The following SPIRE1 variants were observed in gnomAD, a reference collection of about 807,000 sequenced individuals.
SPIRE1 encodes the protein protein spire homolog 1.
SPIRE1 carries 40 observed loss-of-function variants against 94.1 expected under a neutral mutation model. The observed-to-expected ratio is 0.43, with a 90% CI of 0.33 to 0.55. The LOEUF is 0.55. Among genes scored for constraint, SPIRE1 ranks in the 20% least tolerant of loss-of-function variants. The pLI is 0.06. For missense variants in SPIRE1, 838 were observed against 975.2 expected, an observed-to-expected ratio of 0.86 and a Z score of 1.87; for synonymous variants, 376 against 371.7, an observed-to-expected ratio of 1.01 and a Z score of -0.13.
At chr18:12,597,475 C>G (rs536540362) in intron 2 of SPIRE1, among the ~76,000 whole-genome samples, 13 of 152,334 alleles carry the variant, frequency 8.5e-5, no homozygotes, top group Non-Finnish European at 1.6e-4. Flanking sequence ...GTGCCTAACT[C>G]ATACCAGCAA....
At chr18:12,600,460 A>G (rs760036340) in intron 2 of SPIRE1, among the ~76,000 whole-genome samples, 17 of 152,252 alleles carry the variant, frequency 1.1e-4, no homozygotes, top group Non-Finnish European at 2.4e-4. Context: ...TTAACAGTGA[A>G]CTCTTTTGAA....
At chr18:12,544,643 C>T (rs2035108385) in intron 3 of SPIRE1, among the ~76,000 whole-genome samples, 1 of 152,028 alleles carries the variant, frequency 6.6e-6, no homozygotes, top group Non-Finnish European at 1.5e-5. Flanking sequence ...CCATGCCCAG[C>T]CAAAAACCTG....
At chr18:12,504,332 C>T (rs2033761563) in intron 6 of SPIRE1, among the ~76,000 whole-genome samples, 2 of 145,392 alleles carry the variant, frequency 1.4e-5, no homozygotes, top group South Asian at 4.2e-4. Flanking sequence ...CATGGTGAAG[C>T]CCTGTCTCTA....
At chr18:12,609,245 C>A (rs555049100) in intron 2 of SPIRE1, among the ~76,000 whole-genome samples, 1 of 152,166 alleles carries the variant, frequency 6.6e-6, no homozygotes, top group Non-Finnish European at 1.5e-5. Context: ...AGCATTCAAA[C>A]GGTACACAAA....
At chr18:12,644,608 G>C (rs531848335) in intron 1 of SPIRE1, among the ~76,000 whole-genome samples, 180 of 152,272 alleles carry the variant, frequency 1.2e-3, no homozygotes, top group African/African-American at 4.3e-3. Flanking sequence ...TAATCTGCAA[G>C]TAACCCTCCA....
At chr18:12,516,811 A>T (rs1272375654) in intron 4 of SPIRE1, among the ~76,000 whole-genome samples, 2 of 152,100 alleles carry the variant, frequency 1.3e-5, no homozygotes, top group Non-Finnish European at 2.9e-5. Context: ...AATTTTTACT[A>T]TTCTCCGACA....
intron 3 of SPIRE1, among the ~76,000 whole-genome samples, chr18:12,539,097 A>G (rs2034928458): frequency 6.6e-6 from 1 of 152,182 alleles, no homozygotes; most frequent in African/African-American, 2.4e-5. Context: ...CATTCATTCA[A>G]ACAATATTCA....
At chr18:12,542,912 C>T (rs796558027) in intron 3 of SPIRE1, among the ~76,000 whole-genome samples, 7 of 152,172 alleles carry the variant, frequency 4.6e-5, no homozygotes, top group African/African-American at 7.2e-5. Flanking sequence ...CTGCAACCTC[C>T]GCCTCCCAGG....
intron 9 of SPIRE1, among the ~76,000 whole-genome samples, chr18:12,484,673 AACATCTCATCTCATTT>A (rs2032969852): frequency 6.6e-6 from 1 of 152,244 alleles, no homozygotes; most frequent in Non-Finnish European, 1.5e-5. Context: ...TATTTGTGCC[AACATCTCATCTCATTT>A]TATATTTAAA....
At position 12,657,826 on chromosome 18, in the gene SPIRE1, C is replaced by G; in HGVS notation, c.41G>C (p.Arg14Pro). 1 of 1,165,820 alleles carries G rather than the reference C, an allele frequency of 8.6e-7. No homozygotes were observed. The allele number at this position is 1,165,820 out of a possible 1,614,324, so 72.2% of individuals were successfully genotyped here. The part of the protein sequence containing the change: ...AAGPAGGGEP[R>P]TEAVGGEGPR... ...CCCCTCGCCGCCCACTGCCTCAGTC[C>G]GCGGCTCCCCGCCGCCCGCCGGGCC... The change falls in exon 1 of 17, where the codon CGG becomes CCG. Residue 14 changes from arginine (R) to proline (P), a missense_variant. Around this residue, in one of 2 missense-constraint regions of SPIRE1, gnomAD observed 193 missense variants for 170.5 expected, o/e 1.13. Transcript: ENST00000409402.
intron 2 of SPIRE1, among the ~76,000 whole-genome samples, chr18:12,547,123 A>G (rs2144284162): frequency 6.6e-6 from 1 of 152,320 alleles, no homozygotes; most frequent in South Asian, 2.1e-4. Context: ...ACATTTCCCA[A>G]AGGTATTTCT....
chr18:12,470,929 C>T (rs140715678), intron 10 of SPIRE1, among the ~76,000 whole-genome samples: 12 of 151,858 alleles, frequency 7.9e-5, no homozygotes, highest in Non-Finnish European at 1.5e-4. Flanking sequence ...TCACTGGTGC[C>T]GAATACTGCC....
chr18:12,504,471 C>T (rs538455040), intron 6 of SPIRE1, among the ~76,000 whole-genome samples: 1 of 152,294 alleles, frequency 6.6e-6, no homozygotes, highest in East Asian at 1.9e-4. Flanking sequence ...CACGCCACTG[C>T]ACTTCAGCCT....
chr18:12,637,986 G>C (rs779544785), intron 1 of SPIRE1, among the ~76,000 whole-genome samples: 1 of 152,156 alleles, frequency 6.6e-6, no homozygotes, highest in Non-Finnish European at 1.5e-5. Context: ...AGTAACTCAC[G>C]GTAATATGAA....
chr18:12,590,774 A>C (rs947185732), intron 2 of SPIRE1, among the ~76,000 whole-genome samples: 3 of 152,178 alleles, frequency 2.0e-5, no homozygotes, highest in Non-Finnish European at 4.4e-5. Flanking sequence ...CTGGGCAAGA[A>C]GGTTGGCAGG....
chr18:12,542,808 C>A (rs1476845817), intron 3 of SPIRE1, among the ~76,000 whole-genome samples: 1 of 151,984 alleles, frequency 6.6e-6, no homozygotes, highest in African/African-American at 2.4e-5. Context: ...TGTTAATATT[C>A]ATTTAGATTT....
At chr18:12,471,388 T>C (rs569845642) in intron 10 of SPIRE1, among the ~76,000 whole-genome samples, 53 of 151,150 alleles carry the variant, frequency 3.5e-4, no homozygotes, top group Admixed American at 1.6e-3. Context: ...TTCTTTCTTT[T>C]TTTTTTTTTT....
intron 4 of SPIRE1, among the ~76,000 whole-genome samples, chr18:12,527,678 T>A (rs756702933): frequency 2.0e-5 from 3 of 152,174 alleles, no homozygotes; most frequent in Non-Finnish European, 4.4e-5. Flanking sequence ...CAGGTGTGCA[T>A]TAGCTGTGCA....
intron 2 of SPIRE1, among the ~76,000 whole-genome samples, chr18:12,600,081 C>A (rs2036789124): frequency 6.9e-6 from 1 of 144,730 alleles, no homozygotes; most frequent in Admixed American, 7.1e-5. Flanking sequence ...GTGCTGAGGG[C>A]ATTCTCCAGC....
Sources: allele counts gnomAD v4.1 joint callset (sites outside exome capture counted in the v4.1 genomes callset), GRCh38; gene constraint gnomAD v4.1.1; regional missense constraint gnomAD v4.1.1; transcripts MANE v1.5; gene names NCBI Gene and HGNC (gene_info 2026-07-23, HGNC 2026-07-21).